COX7B2: variants seen among roughly 807,000 people sequenced by gnomAD.
COX7B2 encodes the protein cytochrome c oxidase subunit 7B2.
For synonymous variants in COX7B2, 37 were observed against 32.1 expected (o/e 1.15, Z -0.51); for missense variants, 109 against 95.9 (o/e 1.14, Z -0.57).
chr4:46,747,180 T>A (rs1365989043), intron 2 of COX7B2, among the ~76,000 whole-genome samples: 1 of 152,164 alleles, frequency 6.6e-6, no homozygotes, highest in Non-Finnish European at 1.5e-5. Flanking sequence ...CCATTAGTTA[T>A]TTTTCCTAAT....
intron 1 of COX7B2, among the ~76,000 whole-genome samples, chr4:46,873,249 G>A (rs1411074906): frequency 6.6e-6 from 1 of 152,118 alleles, no homozygotes; most frequent in Non-Finnish European, 1.5e-5. Flanking sequence ...TTGGTTCCAA[G>A]TCTTTGCTAT....
chr4:46,736,399 G>A (rs959331377), intron 2 of COX7B2, among the ~76,000 whole-genome samples: 4 of 152,084 alleles, frequency 2.6e-5, no homozygotes, highest in African/African-American at 7.2e-5. Flanking sequence ...GGAAGAGAAA[G>A]GAAGCAATCA....
Position 46,773,666 on chromosome 4 carries a change from C to G in COX7B2, c.-49-38425G>C, listed in dbSNP as rs1213620612. Among the ~76,000 whole-genome samples, 4 of 152,222 alleles carry G rather than the reference C, an allele frequency of 2.6e-5. No homozygotes were observed. In the East Asian group the frequency reaches 7.7e-4, roughly 29 times the overall value. Reference sequence around the variant, plus strand: ...GGTGAAGTAGCAAAATCATGTTCAACTTGACTGTTGCCTTGCTGGAATTTG... The same window carrying G: ...GGTGAAGTAGCAAAATCATGTTCAAGTTGACTGTTGCCTTGCTGGAATTTG... On this transcript the variant is annotated intron_variant, in intron 2 of 2. Coordinates refer to ENST00000355591, the MANE Select transcript of COX7B2 (RefSeq NM_130902.3).
chr4:46,799,980 GC>G (rs1300065867), intron 2 of COX7B2, among the ~76,000 whole-genome samples: 1 of 151,990 alleles, frequency 6.6e-6, no homozygotes, highest in Non-Finnish European at 1.5e-5. Context: ...CAGGTTCAGG[GC>G]TTTTTTTGGC....
intron 1 of COX7B2, among the ~76,000 whole-genome samples, chr4:46,855,547 A>G (rs552163234): frequency 6.6e-6 from 1 of 152,124 alleles, no homozygotes; most frequent in Admixed American, 6.6e-5. Context: ...TGAAGGCATT[A>G]AAAATATGTT....
chr4:46,848,568 C>A (rs1341838775), intron 1 of COX7B2, among the ~76,000 whole-genome samples: 1 of 152,036 alleles, frequency 6.6e-6, no homozygotes, highest in Non-Finnish European at 1.5e-5. Flanking sequence ...TTTCCCATAA[C>A]TCTTTGAAAG....
chr4:46,756,214 G>T (rs1715787811), intron 2 of COX7B2, among the ~76,000 whole-genome samples: 1 of 152,012 alleles, frequency 6.6e-6, no homozygotes, highest in African/African-American at 2.4e-5. Flanking sequence ...AGTGGATAAA[G>T]GACATCCTAT....
chr4:46,772,468 C>A (rs1023661699), intron 2 of COX7B2, among the ~76,000 whole-genome samples: 4 of 152,062 alleles, frequency 2.6e-5, no homozygotes, highest in Non-Finnish European at 5.9e-5. Flanking sequence ...TGGTAAGTAT[C>A]TGAGGTCATG....
chr4:46,750,014 GGGT>G (rs1715255984), intron 2 of COX7B2, among the ~76,000 whole-genome samples: 1 of 152,064 alleles, frequency 6.6e-6, no homozygotes, highest in African/African-American at 2.4e-5. Context: ...GGACTTCACT[GGGT>G]GTACATTCCT....
chr4:46,804,095 G>C (rs1313942384), intron 2 of COX7B2, among the ~76,000 whole-genome samples: 1 of 152,032 alleles, frequency 6.6e-6, no homozygotes, highest in African/African-American at 2.4e-5. Context: ...GAGTGAAGCT[G>C]CAGACCTTCA....
At chr4:46,835,775 T>G (rs970358864) in intron 2 of COX7B2, among the ~76,000 whole-genome samples, 15 of 152,182 alleles carry the variant, frequency 9.9e-5, no homozygotes, top group African/African-American at 3.6e-4. Flanking sequence ...AAATGCATCA[T>G]TAGGCAATTT....
intron 2 of COX7B2, among the ~76,000 whole-genome samples, chr4:46,758,666 G>A (rs994512077): frequency 1.3e-5 from 2 of 152,060 alleles, no homozygotes; most frequent in African/African-American, 4.8e-5. Flanking sequence ...CAACAATGTG[G>A]CAGGATATAT....
intron 1 of COX7B2, among the ~76,000 whole-genome samples, chr4:46,877,815 G>A (rs1273235079): frequency 1.3e-5 from 2 of 152,072 alleles, no homozygotes; most frequent in Non-Finnish European, 2.9e-5. Flanking sequence ...ACAGAAAACT[G>A]TTTGAAGGTT....
At chr4:46,865,081 G>C (rs1261797743) in intron 1 of COX7B2, among the ~76,000 whole-genome samples, 2 of 152,136 alleles carry the variant, frequency 1.3e-5, no homozygotes, top group African/African-American at 2.4e-5. Flanking sequence ...GTATGCCTGT[G>C]TAGTTTTTTA....
chr4:46,820,199 T>C (rs1012122083), intron 2 of COX7B2, among the ~76,000 whole-genome samples: 1 of 152,196 alleles, frequency 6.6e-6, no homozygotes, highest in African/African-American at 2.4e-5. Flanking sequence ...TTCCCTCAAC[T>C]AGATGGTCCC....
At chr4:46,830,896 T>G (rs1251399592) in intron 2 of COX7B2, among the ~76,000 whole-genome samples, 1 of 152,212 alleles carries the variant, frequency 6.6e-6, no homozygotes, top group African/African-American at 2.4e-5. Context: ...TCGCAGCCTT[T>G]GCTCGCTCTT....
rs983636482 is a variant in COX7B2 at position 46,892,197 on chromosome 4, G to T, written c.-105+16963C>A. 5.3e-5 allele frequency among the ~76,000 whole-genome samples: 8 copies of T among 152,170 alleles called. 2 individuals are homozygous for T. The highest frequency in any genetic ancestry group is 1.3e-4 in the Admixed American group (2 of 15,276). ...TGTGATATTAACTACCGGGGCCACT[G>T]GTACCACTGTTATAGATTATGGTAT... On this transcript the variant is annotated intron_variant, in intron 1 of 2. Coordinates refer to ENST00000355591, the MANE Select transcript of COX7B2 (RefSeq NM_130902.3).
At chr4:46,777,002 C>T (rs1011566782) in intron 2 of COX7B2, among the ~76,000 whole-genome samples, 4 of 152,088 alleles carry the variant, frequency 2.6e-5, no homozygotes, top group African/African-American at 4.8e-5. Flanking sequence ...CCATTTATGC[C>T]CTTCCATTGG....
chr4:46,849,835 C>T (rs904126792), intron 1 of COX7B2, among the ~76,000 whole-genome samples: 2 of 151,950 alleles, frequency 1.3e-5, no homozygotes, highest in Non-Finnish European at 2.9e-5. Flanking sequence ...TATCCCTCCC[C>T]GCTCCCCTCA....
Sources: gnomAD v4.1 joint callset for allele counts (sites outside exome capture counted in the v4.1 genomes callset) on GRCh38, gnomAD v4.1.1 for gene constraint, MANE v1.5 for transcripts, NCBI Gene and HGNC (gene_info 2026-07-23, HGNC 2026-07-21) for gene names.